Variants in ZPLD1 observed in about 807,000 individuals in gnomAD.
The protein encoded by ZPLD1 is zona pellucida like domain containing 1, also known as zona pellucida-like domain-containing protein 1.
ZPLD1 carries 34 observed loss-of-function variants against 47.2 expected under a neutral mutation model. The ratio of observed to expected loss-of-function variants is 0.72; its 90% confidence interval spans 0.55 to 0.96. The LOEUF (loss-of-function observed/expected upper bound fraction) is 0.96. Ranked by LOEUF, ZPLD1 falls within the 40% of genes least tolerant of loss-of-function variation. ZPLD1 has a pLI of 0.00. For missense variants in ZPLD1, 512 were observed against 505.8 expected (o/e 1.01, Z -0.12); for synonymous variants, 176 against 186.2 (o/e 0.95, Z 0.45).
At chr3:102,476,974 G>T (rs754975792) in intron 10 of ZPLD1, 38 bp from the exon 11 acceptor site, 1 of 1,607,966 alleles carries the variant, frequency 6.2e-7, no homozygotes. Context: ...TATTTGGAGA[G>T]ATGATGTCAC....
At chr3:102,401,252 T>C (rs1489982759) in intron 7 of ZPLD1, among the ~76,000 whole-genome samples, 1 of 152,028 alleles carries the variant, frequency 6.6e-6, no homozygotes, top group Non-Finnish European at 1.5e-5. Context: ...CACATATATA[T>C]GTATGTGTGT....
intron 1 of ZPLD1, among the ~76,000 whole-genome samples, chr3:102,435,695 T>G (rs1707079872): frequency 6.8e-6 from 1 of 147,416 alleles, no homozygotes; most frequent in African/African-American, 2.5e-5. Flanking sequence ...CAGGCTGGAG[T>G]GCAGTGGCGA....
At chr3:102,398,738 T>C (rs1364312809) in intron 7 of ZPLD1, among the ~76,000 whole-genome samples, 1 of 152,156 alleles carries the variant, frequency 6.6e-6, no homozygotes, top group African/African-American at 2.4e-5. Flanking sequence ...TTAGTAAAGA[T>C]CATGCCTTTT....
intron 1 of ZPLD1, 59 bp from the exon 2 acceptor site, chr3:102,436,801 G>A: frequency 1.4e-6 from 1 of 730,916 alleles, no homozygotes; most frequent in Non-Finnish European, 1.7e-6. Flanking sequence ...TAGCTAGAAA[G>A]CATTTCAGAA....
rs371985380 is a variant in ZPLD1 at position 102,477,034 on chromosome 3, G to A, written c.1065G>A (p.Ser355=). ...TRSDETPTNN[S]QLGSPSMPPF... is the part of the protein sequence containing the mutation. ...CAGATGAGACTCCAACCAACAATTC[G>A]CAACTTGGTAAGATAATTAACATAT... Residue 355 remains serine (S), a synonymous_variant, in exon 11 of 12, where the codon TCG becomes TCA. Coordinates refer to ENST00000466937, the MANE Select transcript of ZPLD1 (RefSeq NM_001329788.2). The A allele has an allele frequency of 4.8e-4, 768 of 1,613,346 alleles. 8 individuals are homozygous for A. The South Asian group carries it at 4.9e-3, about 10-fold the overall frequency.
At position 102,469,028 on chromosome 3, in the gene ZPLD1, T is replaced by C; in HGVS notation, c.826T>C (p.Phe276Leu). The C allele has an allele frequency of 6.2e-7, 1 of 1,614,152 alleles. No homozygotes were observed. Among genetic ancestry groups the C allele is most frequent in the African/African-American group, 1.3e-5 (1 of 75,046 alleles). ...NGRSQRGRFS[F>L]EVFRFVKHKN... ...CCGAAGCCAGCGGGGCCGGTTTTCT[T>C]TTGAAGTGTTCCGATTTGTGAAACA... Residue 276 changes from phenylalanine to leucine, a missense_variant, in exon 9 of 12, where the codon TTT (phenylalanine) becomes CTT (leucine). By Grantham distance (22) the Phe-to-Leu change is conservative. Coordinates refer to ENST00000466937, the MANE Select transcript of ZPLD1 (RefSeq NM_001329788.2).
intron 3 of ZPLD1, among the ~76,000 whole-genome samples, chr3:102,444,840 C>G (rs1707232650): frequency 6.6e-6 from 1 of 152,048 alleles, no homozygotes; most frequent in South Asian, 2.1e-4. Flanking sequence ...ATATGCAAAC[C>G]AGTACATCAA....
intron 3 of ZPLD1, among the ~76,000 whole-genome samples, chr3:102,446,782 A>G (rs1328393503): frequency 3.3e-5 from 5 of 152,120 alleles, no homozygotes; most frequent in Admixed American, 1.3e-4. Flanking sequence ...TTGTTTACAA[A>G]TCTCTAGTAT....
upstream of ZPLD1, among the ~76,000 whole-genome samples, chr3:102,432,500 G>T (rs1707027993): frequency 6.6e-6 from 1 of 152,154 alleles, no homozygotes; most frequent in Non-Finnish European, 1.5e-5. Context: ...TATAACAACA[G>T]ATCAGCCTAT....
upstream of ZPLD1, chr3:102,434,991 A>T: frequency 9.3e-7 from 1 of 1,070,130 alleles, no homozygotes; most frequent in Non-Finnish European, 1.4e-6. Flanking sequence ...CTGAGCAGCC[A>T]GGATGATATG....
At chr3:102,417,957 T>C (rs1246147990) in intron 7 of ZPLD1, 1 of 152,222 alleles carries the variant, frequency 6.6e-6, no homozygotes, top group South Asian at 2.1e-4. Context: ...AAAGATGAGC[T>C]CAGATTTCAT....
chr3:102,407,666 G>T (rs756590688), intron 7 of ZPLD1, among the ~76,000 whole-genome samples: 2 of 151,072 alleles, frequency 1.3e-5, no homozygotes, highest in Non-Finnish European at 3.0e-5. Flanking sequence ...ACACAGTCAT[G>T]GCTCTGTACT....
Position 102,478,838 on chromosome 3 carries a change from A to G in ZPLD1, c.*1220A>G, listed in dbSNP as rs1409807537. The G allele has an allele frequency of 6.6e-6, 1 of 152,216 alleles. No homozygotes were observed. The highest frequency in any genetic ancestry group is 1.5e-5 in the Non-Finnish European group (1 of 68,036). The allele number at this position is 152,216 out of a possible 1,614,324, so 9.4% of individuals were successfully genotyped here. On this transcript the variant is annotated 3_prime_UTR_variant, in exon 12 of 12. Coordinates refer to ENST00000466937, the MANE Select transcript of ZPLD1 (RefSeq NM_001329788.2). ...TGCACTGAACAAACAAAACAATTTA[A>G]TAGCCAACACCAAAACCCAGCATGT...
At chr3:102,442,732 C>G (rs1199826767) in intron 3 of ZPLD1, among the ~76,000 whole-genome samples, 1 of 152,188 alleles carries the variant, frequency 6.6e-6, no homozygotes, top group African/African-American at 2.4e-5. Context: ...GAGCAATCAT[C>G]TCACCCTATG....
chr3:102,406,683 C>A (rs9290688), intron 7 of ZPLD1, among the ~76,000 whole-genome samples: 10,246 of 151,824 alleles, frequency 0.067, 556 homozygotes, highest in African/African-American at 0.15. Context: ...TTAAAAATAC[C>A]TGCTACATTC....
intron 7 of ZPLD1, among the ~76,000 whole-genome samples, chr3:102,405,307 G>A (rs932502609): frequency 1.3e-5 from 2 of 151,978 alleles, no homozygotes; most frequent in African/African-American, 2.4e-5. Flanking sequence ...TCCATTTTGA[G>A]TTACCTTGCC....
At chr3:102,412,163 A>G (rs532551973) in intron 7 of ZPLD1, among the ~76,000 whole-genome samples, 52 of 151,912 alleles carry the variant, frequency 3.4e-4, no homozygotes, top group Non-Finnish European at 5.9e-4. Flanking sequence ...TGCTTCACTC[A>G]AAGTCTACTG....
At chr3:102,391,666 C>G (rs1706497005) in intron 6 of ZPLD1, among the ~76,000 whole-genome samples, 1 of 152,010 alleles carries the variant, frequency 6.6e-6, no homozygotes, top group Non-Finnish European at 1.5e-5. Flanking sequence ...ATTTCCAGCC[C>G]CAGCTGAACC....
chr3:102,415,756 C>T (rs957397429), intron 7 of ZPLD1, among the ~76,000 whole-genome samples: 1 of 151,804 alleles, frequency 6.6e-6, no homozygotes, highest in Non-Finnish European at 1.5e-5. Flanking sequence ...GGGCTTTTTA[C>T]TTTCATTTTC....
Sources: allele counts gnomAD v4.1 joint callset (sites outside exome capture counted in the v4.1 genomes callset), GRCh38; gene constraint gnomAD v4.1.1; transcripts MANE v1.5; gene names NCBI Gene and HGNC (gene_info 2026-07-23, HGNC 2026-07-21).